Variants in HELZ observed in about 807,000 individuals in gnomAD.
HELZ encodes the protein helicase with zinc finger.
HELZ carries 23 observed loss-of-function variants against 218.2 expected under a neutral mutation model. The ratio of observed to expected loss-of-function variants is 0.11; its 90% confidence interval spans 0.08 to 0.15. The LOEUF is 0.15. Among genes scored for constraint, HELZ ranks in the 10% least tolerant of loss-of-function variants. The probability of loss-of-function intolerance (pLI) is 1.00; values close to 1 mark genes in which losing one functional copy is unlikely to be tolerated. For missense variants in HELZ, 1,813 were observed against 2,353.7 expected (o/e 0.77, Z 4.75); for synonymous variants, 814 against 829.4 (o/e 0.98, Z 0.32).
chr17:67,218,832 G>A lies in HELZ; in HGVS notation c.-18-10C>T, dbSNP rs2040673162. The A allele has an allele frequency of 6.3e-7, 1 of 1,592,238 alleles. No individual in the cohort carries two copies. Among genetic ancestry groups the A allele is most frequent in the Non-Finnish European group, 8.6e-7 (1 of 1,160,618 alleles). ...CTCAGGGACAAAAATCCTACAGACA[G>A]GGAGAAAGAACAAGAGAAGGTTTTT... On this transcript the variant is annotated splice_polypyrimidine_tract_variant and intron_variant, in intron 3 of 32. Transcript: ENST00000358691.
At chr17:67,222,774 G>A (rs2040781749) in intron 3 of HELZ, among the ~76,000 whole-genome samples, 2 of 152,208 alleles carry the variant, frequency 1.3e-5, no homozygotes, top group African/African-American at 4.8e-5. Flanking sequence ...CTCAGGCCAT[G>A]CTAAAATGGA....
chr17:67,176,533 C>T (rs2039462287), intron 13 of HELZ: 1 of 152,214 alleles, frequency 6.6e-6, no homozygotes, highest in Admixed American at 6.5e-5. Context: ...AAACAGCTCT[C>T]CAGATAGATC....
At chr17:67,220,859 C>T (rs2040726210) in intron 3 of HELZ, among the ~76,000 whole-genome samples, 2 of 143,618 alleles carry the variant, frequency 1.4e-5, no homozygotes, top group East Asian at 4.5e-4. Context: ...TCCCCCCCCC[C>T]CAAAAAAAAA....
chr17:67,143,919 C>G (rs191943952), intron 21 of HELZ, among the ~76,000 whole-genome samples: 27 of 152,244 alleles, frequency 1.8e-4, no homozygotes, highest in Admixed American at 1.8e-3. Context: ...ACTTATAATT[C>G]CAAACTTTTT....
intron 6 of HELZ, among the ~76,000 whole-genome samples, chr17:67,201,426 C>T (rs2040165732): frequency 1.3e-5 from 2 of 152,178 alleles, no homozygotes; most frequent in African/African-American, 4.8e-5. Context: ...ACTGTATTCA[C>T]CTTACATTAA....
At chr17:67,168,139 C>T (rs1471269451) in intron 13 of HELZ, among the ~76,000 whole-genome samples, 3 of 152,078 alleles carry the variant, frequency 2.0e-5, no homozygotes, top group South Asian at 4.2e-4. Context: ...CCACCACGCC[C>T]GGCTAATTTT....
rs142895781 is a variant in HELZ at position 67,138,244 on chromosome 17, C to T, written c.2770-130G>A. 1.0e-3 allele frequency: 576 copies of T among 576,234 alleles called. 3 individuals are homozygous for T. In the African/African-American group the frequency reaches 0.01, roughly 10 times the overall value. 35.7% of individuals were successfully genotyped at this position (576,234 alleles called of 1,614,324 possible). On this transcript the variant is annotated intron_variant, in intron 21 of 32. Coordinates refer to ENST00000358691, the MANE Select transcript of HELZ (RefSeq NM_014877.4). ...GTCATTTAAAAAAAAAAAAAAACTA[C>T]CCCTAAATGGGAGTAATGCTTTGCT...
intron 13 of HELZ, chr17:67,176,268 G>A (rs2039454250): frequency 6.6e-6 from 1 of 152,154 alleles, no homozygotes; most frequent in African/African-American, 2.4e-5. Flanking sequence ...ATGGCAATAA[G>A]GTATTATAAC....
At chr17:67,193,765 A>G (rs529841948) in intron 9 of HELZ, among the ~76,000 whole-genome samples, 49 of 152,264 alleles carry the variant, frequency 3.2e-4, no homozygotes, top group African/African-American at 1.1e-3. Context: ...AGTCTTAACA[A>G]CCTGCATTTA....
At chr17:67,129,626 T>A (rs1321062185) in intron 23 of HELZ, among the ~76,000 whole-genome samples, 1 of 152,094 alleles carries the variant, frequency 6.6e-6, no homozygotes, top group Non-Finnish European at 1.5e-5. Flanking sequence ...AAGTTATAAG[T>A]GTTAAATGAA....
chr17:67,232,789 C>G lies in HELZ; in HGVS notation c.-19+6644G>C, dbSNP rs185232422. 3.9e-5 allele frequency among the ~76,000 whole-genome samples: 6 copies of G among 152,308 alleles called. No homozygotes were observed. The East Asian group carries it at 1.2e-3, about 29-fold the overall frequency. On this transcript the variant is annotated intron_variant, in intron 3 of 32. Transcript: ENST00000358691. ...ATGGGCATTGATTACACTCTTCTTT[C>G]TACTTTTGTATGTCTGAAAATGTCC...
chr17:67,177,998 T>C (rs2039507438), intron 13 of HELZ, among the ~76,000 whole-genome samples: 1 of 152,106 alleles, frequency 6.6e-6, no homozygotes, highest in Non-Finnish European at 1.5e-5. Flanking sequence ...TGTGGTTCAG[T>C]TTTTAAGGCT....
chr17:67,187,422 C>G, intron 12 of HELZ, among the ~76,000 whole-genome samples: 1 of 152,104 alleles, frequency 6.6e-6, no homozygotes, highest in Non-Finnish European at 1.5e-5. Context: ...AGACCAATTT[C>G]ACCTTTTCAC....
At chr17:67,238,880 A>G (rs1032292047) in intron 3 of HELZ, among the ~76,000 whole-genome samples, 1 of 152,218 alleles carries the variant, frequency 6.6e-6, no homozygotes, top group African/African-American at 2.4e-5. Flanking sequence ...CAGGTATTTC[A>G]GCAAAAAGTA....
At chr17:67,231,870 T>C (rs920355519) in intron 3 of HELZ, among the ~76,000 whole-genome samples, 10 of 151,294 alleles carry the variant, frequency 6.6e-5, no homozygotes, top group Non-Finnish European at 1.5e-5. Flanking sequence ...CTGGCCGATA[T>C]GGTGAAACCC....
Position 67,167,500 on chromosome 17 carries a change from C to G in HELZ, c.1727G>C (p.Cys576Ser), listed in dbSNP as rs1269772218. 6.2e-7 allele frequency: 1 copy of G among 1,613,484 alleles called. No individual in the cohort carries two copies. The highest frequency in any genetic ancestry group is 8.5e-7 in the Non-Finnish European group (1 of 1,179,630). The change falls in exon 14 of 33, where the codon TGT (cysteine) becomes TCT (serine). Residue 576 changes from cysteine (C) to serine (S), a missense_variant. This residue lies in a region of HELZ where 714 missense variants were observed against 1,029.2 expected (regional missense o/e 0.69). Transcript: ENST00000358691. ...YIFLRLSREC[C>S]EELNLRPDCD... ...GTCAGGCCGAAGATTAAGTTCTTCA[C>G]AGCATTCCCTAGATAGCCTTAAAAA...
intron 11 of HELZ, 111 bp downstream of exon 11, chr17:67,189,478 T>C: frequency 3.0e-6 from 2 of 656,800 alleles, no homozygotes; most frequent in Non-Finnish European, 5.4e-6. Context: ...ATATATAATG[T>C]ACTTAGATTA....
rs1423702200 is a variant in HELZ, at chr17:67,224,613, T to C, written c.-18-5791A>G. The C allele has an allele frequency of 5.8e-6, 3 of 517,234 alleles. No homozygotes were observed. The Admixed American group carries it at 8.3e-5, about 14-fold the overall frequency. 32.0% of individuals were successfully genotyped at this position (517,234 alleles called of 1,614,324 possible). A position where few individuals can be genotyped will look rare whatever the true frequency, so the allele number is the denominator to read the frequency against. ...GTTATTTATTACTAATAACAGTAAG[T>C]GTAAAGAGAAAAAATAAGTGAGCAT... is the stretch of plus-strand genomic sequence containing the variant. On this transcript the variant is annotated intron_variant, in intron 3 of 32. Coordinates refer to ENST00000358691, the MANE Select transcript of HELZ (RefSeq NM_014877.4).
Position 67,160,301 on chromosome 17 carries a change from G to A in HELZ, c.2137C>T (p.Pro713Ser), listed in dbSNP as rs1397808032. The A allele has an allele frequency of 1.9e-6, 3 of 1,612,268 alleles. No individual in the cohort carries two copies. The highest frequency in any genetic ancestry group is 2.7e-5 in the African/African-American group (2 of 74,904). The change falls in exon 17 of 33, where the codon CCA becomes TCA. Residue 713 changes from proline to serine, a missense_variant. By Grantham distance (74) the Pro-to-Ser change is moderately conservative (BLOSUM62 -1). Around this residue, in one of 4 missense-constraint regions of HELZ, gnomAD observed 714 missense variants for 1,029.2 expected, o/e 0.69. Coordinates refer to ENST00000358691, the MANE Select transcript of HELZ (RefSeq NM_014877.4). ...ADLYIKDYLH[P>S]YVEAGNPQAR... is the part of the protein sequence containing the mutation. ...TGGGGATTGCCTGCTTCTACATATG[G>A]ATGTAAATAATCCTTTATGTAGAGA...
Sources: allele counts gnomAD v4.1 joint callset (sites outside exome capture counted in the v4.1 genomes callset), GRCh38; gene constraint gnomAD v4.1.1; regional missense constraint gnomAD v4.1.1; transcripts MANE v1.5; gene names NCBI Gene and HGNC (gene_info 2026-07-23, HGNC 2026-07-21).